The following UHRF2 variants were observed in gnomAD, a reference collection of about 807,000 sequenced individuals.
UHRF2 encodes the protein E3 ubiquitin-protein ligase UHRF2.
UHRF2 carries 23 observed loss-of-function variants against 96.8 expected under a neutral mutation model. That is an observed-to-expected ratio of 0.24 (90% CI 0.17 to 0.34). UHRF2 has a LOEUF of 0.34. UHRF2 is among the 10% of genes least tolerant of loss of function. UHRF2 has a pLI of 1.00. For synonymous variants in UHRF2, 385 were observed against 332.6 expected, an observed-to-expected ratio of 1.16 and a Z score of -1.72; for missense variants, 685 against 981.5, an observed-to-expected ratio of 0.70 and a Z score of 4.04.
Position 6,450,321 on chromosome 9 carries a change from T to A in UHRF2, c.645-10252T>A, listed in dbSNP as rs548545761. ...CTTCCCCTTCCCCCCCCCCCATTTATTTAAATAAACTGTGTCATTTGTCTT... is the reference window on the plus strand; with the variant it reads ...CTTCCCCTTCCCCCCCCCCCATTTAATTAAATAAACTGTGTCATTTGTCTT... On this transcript the variant is annotated intron_variant, in intron 3 of 15. Coordinates refer to ENST00000276893, the MANE Select transcript of UHRF2 (RefSeq NM_152896.3). 1.5e-4 allele frequency among the ~76,000 whole-genome samples: 20 copies of A among 132,388 alleles called. No homozygotes were observed. In the East Asian group the frequency reaches 4.1e-3, roughly 27 times the overall value. The allele number at this position is 132,388 out of a possible 152,430, so 86.9% of individuals were successfully genotyped here.
chr9:6,422,503 G>T, intron 2 of UHRF2: 2 of 422,948 alleles, frequency 4.7e-6, no homozygotes, highest in South Asian at 2.0e-4. Context: ...AAATCTGATG[G>T]GATTCTATGG....
intron 15 of UHRF2, among the ~76,000 whole-genome samples, chr9:6,504,998 C>G (rs188796791): frequency 6.6e-6 from 1 of 152,022 alleles, no homozygotes; most frequent in African/African-American, 2.4e-5. Context: ...TATATTATAG[C>G]GCAAACTGGA....
intron 6 of UHRF2, among the ~76,000 whole-genome samples, chr9:6,478,385 A>T (rs1021012975): frequency 7.2e-5 from 11 of 152,208 alleles, no homozygotes; most frequent in Non-Finnish European, 1.6e-4. Context: ...TAACCATGTT[A>T]GATATCCTTG....
At chr9:6,470,013 C>T (rs1175346256) in intron 4 of UHRF2, among the ~76,000 whole-genome samples, 3 of 151,994 alleles carry the variant, frequency 2.0e-5, no homozygotes, top group Non-Finnish European at 4.4e-5. Flanking sequence ...TGAAGATGAC[C>T]AAGTTTTCAT....
intron 3 of UHRF2, among the ~76,000 whole-genome samples, chr9:6,450,729 T>C (rs1201584289): frequency 1.3e-5 from 2 of 152,240 alleles, no homozygotes; most frequent in Admixed American, 1.3e-4. Flanking sequence ...TTGATGCTTA[T>C]ATTGTCTCAT....
At chr9:6,504,407 T>C in intron 14 of UHRF2, 186 bp from the exon 15 acceptor site, 1 of 405,438 alleles carries the variant, frequency 2.5e-6, no homozygotes, top group Middle Eastern at 6.8e-4. Flanking sequence ...CATGTGAAAT[T>C]TTGATATGTT....
chr9:6,490,767 CTG>C (rs1306225954), intron 9 of UHRF2, among the ~76,000 whole-genome samples: 2 of 152,098 alleles, frequency 1.3e-5, no homozygotes, highest in Admixed American at 6.5e-5. Context: ...TTAGTTAAGT[CTG>C]TTACATAATG....
chr9:6,456,055 G>A (rs555980075), intron 3 of UHRF2, among the ~76,000 whole-genome samples: 1 of 152,260 alleles, frequency 6.6e-6, no homozygotes, highest in African/African-American at 2.4e-5. Context: ...GGTTAGGTTT[G>A]TAATACTTAC....
chr9:6,432,511 C>T (rs1233740605), intron 2 of UHRF2, among the ~76,000 whole-genome samples: 1 of 152,150 alleles, frequency 6.6e-6, no homozygotes, highest in African/African-American at 2.4e-5. Context: ...CAAATCCTAA[C>T]CTTACATTTC....
intron 6 of UHRF2, 104 bp from the exon 7 acceptor site, chr9:6,481,539 A>C: frequency 7.4e-7 from 1 of 1,357,008 alleles, no homozygotes; most frequent in Non-Finnish European, 1.0e-6. Flanking sequence ...TGTATACCAA[A>C]TAATACATCT....
At chr9:6,422,972 A>G (rs1447512303) in intron 2 of UHRF2, 1 of 272,594 alleles carries the variant, frequency 3.7e-6, no homozygotes. Flanking sequence ...TAAATTGTGT[A>G]GAAATAATCG....
chr9:6,430,089 C>T (rs564547913), intron 2 of UHRF2, among the ~76,000 whole-genome samples: 3 of 152,322 alleles, frequency 2.0e-5, no homozygotes, highest in Admixed American at 6.5e-5. Flanking sequence ...TGGCCCATTA[C>T]AACCTCCACC....
intron 3 of UHRF2, 33 bp downstream of exon 3, chr9:6,434,206 T>C: frequency 3.2e-6 from 5 of 1,568,986 alleles, no homozygotes; most frequent in Non-Finnish European, 4.3e-6. Flanking sequence ...ACTTTATTCA[T>C]ATTTTCATTT....
chr9:6,445,340 T>C (rs1008387331), intron 3 of UHRF2, among the ~76,000 whole-genome samples: 1 of 152,126 alleles, frequency 6.6e-6, no homozygotes, highest in Admixed American at 6.6e-5. Flanking sequence ...GTTGACCCAC[T>C]GCAACCTCCA....
chr9:6,504,728 A>G (rs761049693), intron 15 of UHRF2, 37 bp downstream of exon 15: 5 of 1,518,818 alleles, frequency 3.3e-6, no homozygotes, highest in Admixed American at 3.5e-5. Context: ...CCTGTTAGGT[A>G]TGAAGGCACA....
intron 15 of UHRF2, among the ~76,000 whole-genome samples, chr9:6,504,931 A>C (rs1021967612): frequency 2.0e-5 from 3 of 152,192 alleles, no homozygotes; most frequent in Non-Finnish European, 2.9e-5. Context: ...GGAGGGGCTG[A>C]AATGGGAAAG....
chr9:6,419,733 GATTTATTTATTT>G (rs893506189), intron 1 of UHRF2, among the ~76,000 whole-genome samples: 3 of 151,796 alleles, frequency 2.0e-5, no homozygotes, highest in African/African-American at 7.3e-5. Context: ...AACATTTTGG[GATTTATTTATTT>G]ATTTGTTTAT....
intron 3 of UHRF2, among the ~76,000 whole-genome samples, chr9:6,451,088 G>T (rs7027361): frequency 6.6e-6 from 1 of 152,096 alleles, no homozygotes; most frequent in African/African-American, 2.4e-5. Flanking sequence ...ACAGTTCCTA[G>T]TGATATCACT....
At chr9:6,474,529 A>T (rs535083434) in intron 4 of UHRF2, among the ~76,000 whole-genome samples, 1 of 152,272 alleles carries the variant, frequency 6.6e-6, no homozygotes, top group South Asian at 2.1e-4. Context: ...AACATGGTGA[A>T]ACCCTGTCTC....
Sources: gnomAD v4.1 joint callset for allele counts (sites outside exome capture counted in the v4.1 genomes callset) on GRCh38, gnomAD v4.1.1 for gene constraint, MANE v1.5 for transcripts, NCBI Gene and HGNC (gene_info 2026-07-23, HGNC 2026-07-21) for gene names.